LDHAL6A: variants seen among roughly 807,000 people sequenced by gnomAD.
The protein encoded by LDHAL6A is L-lactate dehydrogenase A-like 6A.
A neutral mutation model predicts 28.2 loss-of-function variants in LDHAL6A; 19 were observed. The ratio of observed to expected loss-of-function variants is 0.67; its 90% CI spans 0.47 to 0.99. The LOEUF (loss-of-function observed/expected upper bound fraction) is 0.99. Among genes scored for constraint, LDHAL6A ranks in the 50% least tolerant of loss-of-function variants. The probability of loss-of-function intolerance (pLI) is 0.00; values close to 1 mark genes in which losing one functional copy is unlikely to be tolerated. For synonymous variants in LDHAL6A, 144 were observed against 134.4 expected, an observed-to-expected ratio of 1.07 and a Z score of -0.49; for missense variants, 372 against 398.6, an observed-to-expected ratio of 0.93 and a Z score of 0.57.
chr11:18,465,901 T>A, intron 3 of LDHAL6A, 91 bp downstream of exon 3: 1 of 1,083,428 alleles, frequency 9.2e-7, no homozygotes, highest in Non-Finnish European at 1.3e-6. Flanking sequence ...ATGCTGAGGT[T>A]TGGGGTAGGA....
intron 5 of LDHAL6A, 56 bp from the exon 6 acceptor site, chr11:18,477,564 G>A: frequency 2.0e-6 from 3 of 1,500,252 alleles, no homozygotes; most frequent in Non-Finnish European, 2.7e-6. Context: ...GCTACAAAGT[G>A]GAAGTTCAAT....
intron 1 of LDHAL6A, among the ~76,000 whole-genome samples, chr11:18,458,785 T>G (rs202179635): frequency 6.6e-6 from 1 of 151,718 alleles, no homozygotes; most frequent in African/African-American, 2.4e-5. Context: ...GAGATCCACT[T>G]TTTCTTTTAG....
intron 3 of LDHAL6A, among the ~76,000 whole-genome samples, chr11:18,473,688 C>G (rs931497913): frequency 5.9e-5 from 9 of 152,062 alleles, no homozygotes; most frequent in African/African-American, 2.2e-4. Context: ...TGTGAGCCAC[C>G]GTGTCTGGCC....
chr11:18,467,980 C>CATATATATATAT, intron 3 of LDHAL6A, among the ~76,000 whole-genome samples: 1 of 47,846 alleles, frequency 2.1e-5, no homozygotes, highest in African/African-American at 1.4e-4. Context: ...TATATATATA[C>CATATATATATAT]GTATATATAT....
intron 3 of LDHAL6A, among the ~76,000 whole-genome samples, chr11:18,471,176 T>C (rs909925671): frequency 1.1e-4 from 16 of 151,964 alleles, no homozygotes; most frequent in African/African-American, 3.6e-4. Context: ...ATTTTGTCCA[T>C]GTAGTGGTAG....
intron 3 of LDHAL6A, among the ~76,000 whole-genome samples, chr11:18,467,952 T>C (rs1849134659): frequency 3.7e-5 from 2 of 53,844 alleles, no homozygotes; most frequent in Admixed American, 2.7e-4. Flanking sequence ...CACATATATA[T>C]ATACGTATAT....
rs1848754835 is a variant in LDHAL6A, at chr11:18,456,390, CAACCCCTGT to C, written c.-290_-282del. Reference sequence around the variant, plus strand: ...AGCTGTAGTTTCATGTTTGGTGGAGCAACCCCTGTTCCTTTCCTCTCTCTCTCTCTTAAT... The same window carrying C: ...AGCTGTAGTTTCATGTTTGGTGGAGCTCCTTTCCTCTCTCTCTCTCTTAAT... On this transcript the variant is annotated 5_prime_UTR_variant, in exon 1 of 7. Coordinates refer to ENST00000280706, the MANE Select transcript of LDHAL6A (RefSeq NM_144972.5). 1 of 290,050 alleles carries C rather than the reference CAACCCCTGT, an allele frequency of 3.4e-6. No homozygotes were observed. The highest frequency in any genetic ancestry group is 6.3e-6 in the Non-Finnish European group (1 of 157,534). 18.0% of individuals were successfully genotyped at this position (290,050 alleles called of 1,614,324 possible).
chr11:18,475,347 G>T (rs1188017224), intron 3 of LDHAL6A, 119 bp from the exon 4 acceptor site: 3 of 769,842 alleles, frequency 3.9e-6, no homozygotes, highest in Middle Eastern at 7.8e-4. Flanking sequence ...GTTGGATAGA[G>T]AACCATGTTT....
Position 18,477,761 on chromosome 11 carries a change from G to A in LDHAL6A, c.834+18G>A, listed in dbSNP as rs770748779. 2.2e-5 allele frequency: 34 copies of A among 1,579,548 alleles called. No individual in the cohort carries two copies. The highest frequency in any genetic ancestry group is 4.7e-5 in the South Asian group (4 of 84,806). On this transcript the variant is annotated intron_variant, in intron 6 of 6. Coordinates refer to ENST00000280706, the MANE Select transcript of LDHAL6A (RefSeq NM_144972.5). ...TAAGTAAGGTAGGACATTCATGTTC[G>A]AAAAATCATTAACTCAACATAAAAT...
chr11:18,476,125 A>AT (rs952498274), intron 4 of LDHAL6A, among the ~76,000 whole-genome samples: 11 of 152,222 alleles, frequency 7.2e-5, no homozygotes, highest in African/African-American at 2.7e-4. Context: ...AAAAAGACTT[A>AT]AAGGGAGAAA....
In LDHAL6A at chr11:18,479,374, T is replaced by TTGCCTTGTA. The variant is rs1849481900; in HGVS notation, c.*507_*515dup. ...AGATGTTTTTGGTACTTCTCAGTAC[T>TTGCCTTGTA]TGCCTTGTATGTATACGTAATTGCC... On this transcript the variant is annotated 3_prime_UTR_variant, in exon 7 of 7. Transcript: ENST00000280706. The TTGCCTTGTA allele has an allele frequency of 6.6e-6, 1 of 152,168 alleles. No individual in the cohort carries two copies. The highest frequency in any genetic ancestry group is 1.5e-5 in the Non-Finnish European group (1 of 68,248). The allele number at this position is 152,168 out of a possible 1,614,324, so 9.4% of individuals were successfully genotyped here.
At chr11:18,463,857 A>G in intron 1 of LDHAL6A, 104 bp from the exon 2 acceptor site, 1 of 715,730 alleles carries the variant, frequency 1.4e-6, no homozygotes, top group Non-Finnish European at 2.5e-6. Flanking sequence ...TTTGATTTTG[A>G]TAATTCACAA....
intron 3 of LDHAL6A, among the ~76,000 whole-genome samples, chr11:18,472,777 TAA>T (rs1372020045): frequency 6.6e-6 from 1 of 152,210 alleles, no homozygotes. Flanking sequence ...ATTTTTCAAA[TAA>T]GAGTTGAATC....
rs36151265 is a variant in LDHAL6A at position 18,467,944 on chromosome 11, CATATAT to C, written c.418+2140_418+2145del. On this transcript the variant is annotated intron_variant, in intron 3 of 6. Transcript: ENST00000280706. ...ACACACACATATATATATACACACA[CATATAT>C]ATATACGTATATATATACGTATATA... Among the ~76,000 whole-genome samples the C allele has an allele frequency of 2.6e-4, 15 of 56,734 alleles. 1 individual carries two copies. The East Asian group carries it at 8.7e-3, about 33-fold the overall frequency. The allele number at this position is 56,734 out of a possible 152,430, so 37.2% of individuals were successfully genotyped here.
intron 3 of LDHAL6A, chr11:18,475,252 A>G (rs1849343005): frequency 2.2e-6 from 1 of 444,544 alleles, no homozygotes; most frequent in South Asian, 4.0e-5. Context: ...GTGTTTCTGC[A>G]TACCAAGCTG....
chr11:18,469,120 A>G (rs537966801), intron 3 of LDHAL6A: 6 of 508,866 alleles, frequency 1.2e-5, no homozygotes, highest in African/African-American at 4.0e-5. Flanking sequence ...GTCATTTTTG[A>G]AAGGAGAGCT....
At chr11:18,471,650 C>T (rs192614194) in intron 3 of LDHAL6A, among the ~76,000 whole-genome samples, 4 of 150,140 alleles carry the variant, frequency 2.7e-5, no homozygotes, top group East Asian at 4.0e-4. Flanking sequence ...TGAGGCTGGG[C>T]GTGGTGGTTC....
At chr11:18,464,931 A>G (rs980144652) in intron 2 of LDHAL6A, among the ~76,000 whole-genome samples, 15 of 151,370 alleles carry the variant, frequency 9.9e-5, no homozygotes, top group African/African-American at 3.7e-4. Context: ...TGACCTCTTC[A>G]TCTAAATAAT....
intron 5 of LDHAL6A, among the ~76,000 whole-genome samples, chr11:18,476,859 G>A (rs751092372): frequency 4.6e-5 from 7 of 152,146 alleles, no homozygotes; most frequent in African/African-American, 7.2e-5. Context: ...AACCACTGTG[G>A]CAGGGCATGG....
Sources: gnomAD v4.1 joint callset for allele counts (sites outside exome capture counted in the v4.1 genomes callset) on GRCh38, gnomAD v4.1.1 for gene constraint, MANE v1.5 for transcripts, NCBI Gene and HGNC (gene_info 2026-07-23, HGNC 2026-07-21) for gene names.